PTPRD: variants seen among roughly 807,000 people sequenced by gnomAD.
The protein encoded by PTPRD is receptor-type tyrosine-protein phosphatase delta.
A neutral mutation model predicts 214.5 loss-of-function variants in PTPRD; 34 were observed. The observed-to-expected ratio is 0.16, with a 90% CI of 0.12 to 0.21. The LOEUF (loss-of-function observed/expected upper bound fraction) is 0.21. PTPRD is among the 10% of genes least tolerant of loss of function. The pLI is 1.00. For synonymous variants in PTPRD, 1,128 were observed against 845.7 expected (o/e 1.33, Z -5.79); for missense variants, 2,545 against 2,398.7 (o/e 1.06, Z -1.27).
chr9:9,447,843 T>A (rs543274281), intron 8 of PTPRD, among the ~76,000 whole-genome samples: 59 of 151,982 alleles, frequency 3.9e-4, no homozygotes, highest in Non-Finnish European at 6.3e-4. Flanking sequence ...GACGTAGAAA[T>A]GTGTCTGGCA....
chr9:9,878,469 CT>C (rs1433829351), intron 5 of PTPRD, among the ~76,000 whole-genome samples: 1 of 152,036 alleles, frequency 6.6e-6, no homozygotes, highest in Non-Finnish European at 1.5e-5. Flanking sequence ...TAAGTGAAGA[CT>C]TAAAGGATGA....
At chr9:10,131,973 T>C (rs1464843546) in intron 3 of PTPRD, among the ~76,000 whole-genome samples, 1 of 152,198 alleles carries the variant, frequency 6.6e-6, no homozygotes, top group Non-Finnish European at 1.5e-5. Context: ...TGCTGTATTC[T>C]GGGTTAGCCT....
At chr9:8,689,615 C>T (rs552948365) in intron 12 of PTPRD, among the ~76,000 whole-genome samples, 1 of 152,206 alleles carries the variant, frequency 6.6e-6, no homozygotes, top group East Asian at 1.9e-4. Context: ...AAACCACCCC[C>T]ATGATTCAAA....
At chr9:10,165,305 T>G (rs56181952) in intron 3 of PTPRD, among the ~76,000 whole-genome samples, 18,109 of 151,758 alleles carry the variant, frequency 0.12, 1,202 homozygotes, top group South Asian at 0.17. Context: ...ATGTGACTCA[T>G]ATTTTGTCCT....
At chr9:9,465,051 A>G (rs1457025807) in intron 8 of PTPRD, among the ~76,000 whole-genome samples, 1 of 152,232 alleles carries the variant, frequency 6.6e-6, no homozygotes, top group Non-Finnish European at 1.5e-5. Flanking sequence ...CATATTTACA[A>G]ATATTACTGG....
At chr9:8,481,664 ACC>A (rs1410276144) in intron 30 of PTPRD, among the ~76,000 whole-genome samples, 1 of 151,764 alleles carries the variant, frequency 6.6e-6, no homozygotes, top group Non-Finnish European at 1.5e-5. Context: ...ATTAACGGAG[ACC>A]TTTATTTTAG....
At chr9:9,595,683 T>C (rs1377798935) in intron 7 of PTPRD, among the ~76,000 whole-genome samples, 3 of 151,616 alleles carry the variant, frequency 2.0e-5, no homozygotes, top group East Asian at 1.9e-4. Context: ...CTAAGTGAAG[T>C]AACACAGGAA....
intron 14 of PTPRD, among the ~76,000 whole-genome samples, chr9:8,616,029 A>C (rs1442764874): frequency 6.6e-6 from 1 of 152,180 alleles, no homozygotes; most frequent in Non-Finnish European, 1.5e-5. Flanking sequence ...CCAAAATTTA[A>C]AAAGAAATTT....
intron 2 of PTPRD, among the ~76,000 whole-genome samples, chr9:10,541,982 C>G (rs2059219728): frequency 6.6e-6 from 1 of 151,910 alleles, no homozygotes; most frequent in African/African-American, 2.4e-5. Context: ...TATTTGTACC[C>G]TAACAGGTCA....
intron 14 of PTPRD, among the ~76,000 whole-genome samples, chr9:8,619,026 CT>C (rs2095717097): frequency 6.7e-6 from 1 of 148,268 alleles, no homozygotes; most frequent in Non-Finnish European, 1.5e-5. Context: ...TCCCAAAATG[CT>C]GGGATTACAG....
intron 9 of PTPRD, among the ~76,000 whole-genome samples, chr9:9,307,531 C>T (rs1246700747): frequency 6.6e-6 from 1 of 152,156 alleles, no homozygotes; most frequent in African/African-American, 2.4e-5. Context: ...CAATCAGTGG[C>T]TGTGCTGTTA....
intron 12 of PTPRD, among the ~76,000 whole-genome samples, chr9:8,705,188 T>G (rs1280182236): frequency 6.6e-6 from 1 of 152,200 alleles, no homozygotes; most frequent in Non-Finnish European, 1.5e-5. Flanking sequence ...ATTCCCTTAA[T>G]GAGTATGATC....
At chr9:10,081,647 T>A (rs1369733477) in intron 3 of PTPRD, among the ~76,000 whole-genome samples, 1 of 152,086 alleles carries the variant, frequency 6.6e-6, no homozygotes, top group Admixed American at 6.6e-5. Flanking sequence ...AAATTTCTGT[T>A]GTTTATGAAC....
At chr9:8,516,609 T>C (rs2138326391) in intron 21 of PTPRD, among the ~76,000 whole-genome samples, 1 of 152,228 alleles carries the variant, frequency 6.6e-6, no homozygotes, top group African/African-American at 2.4e-5. Context: ...AGAAAATTTA[T>C]TAATTCATTG....
intron 11 of PTPRD, among the ~76,000 whole-genome samples, chr9:8,973,475 C>T (rs1292308248): frequency 1.3e-5 from 2 of 151,872 alleles, no homozygotes; most frequent in South Asian, 2.1e-4. Flanking sequence ...TTGATAGGTA[C>T]CTAGGTTGAT....
intron 9 of PTPRD, among the ~76,000 whole-genome samples, chr9:9,236,926 G>C (rs1374721097): frequency 1.3e-5 from 2 of 152,046 alleles, no homozygotes; most frequent in African/African-American, 4.8e-5. Context: ...ATCTTGAAAA[G>C]GCTGCACCTT....
At position 10,159,519 on chromosome 9, in the gene PTPRD, C is replaced by T. The variant is rs1309541928; in HGVS notation, c.-544-125729G>A. Among the ~76,000 whole-genome samples, 4 of 152,090 alleles carry T rather than the reference C, an allele frequency of 2.6e-5. No homozygotes were observed. The Middle Eastern group carries it at 0.01, about 388-fold the overall frequency. On this transcript the variant is annotated intron_variant, in intron 3 of 45. Transcript: ENST00000381196. ...CGACCTCCACAGACAAAGCAATAAA[C>T]CTGTGACTGACCTTCACAAGACAGT...
chr9:9,295,887 T>C (rs1952832423), intron 9 of PTPRD, among the ~76,000 whole-genome samples: 1 of 151,872 alleles, frequency 6.6e-6, no homozygotes, highest in Non-Finnish European at 1.5e-5. Context: ...CATTTTCACA[T>C]TGTAAAGCCT....
At position 10,003,467 on chromosome 9, in the gene PTPRD, A is replaced by T. The variant is rs370303378; in HGVS notation, c.-472+30251T>A. ...ATTAAGATTGAATATATATGAATCC[A>T]ATTATAAGAACAATTGTGTGTTCTG... On this transcript the variant is annotated intron_variant, in intron 4 of 45. Coordinates refer to ENST00000381196, the MANE Select transcript of PTPRD (RefSeq NM_002839.4). Among the ~76,000 whole-genome samples the T allele has an allele frequency of 8.6e-5, 13 of 151,948 alleles. No homozygotes were observed. In the East Asian group the frequency reaches 2.1e-3, roughly 25 times the overall value.
Sources: allele counts gnomAD v4.1 joint callset (sites outside exome capture counted in the v4.1 genomes callset), GRCh38; gene constraint gnomAD v4.1.1; transcripts MANE v1.5; gene names NCBI Gene and HGNC (gene_info 2026-07-23, HGNC 2026-07-21).